EBF1: variants seen among roughly 807,000 people sequenced by gnomAD.
EBF1 encodes transcription factor COE1.
EBF1 carries 10 observed loss-of-function variants against 68.4 expected under a neutral mutation model. The observed-to-expected ratio is 0.15, with a 90% CI of 0.09 to 0.25. EBF1 has a LOEUF of 0.25. Among genes scored for constraint, EBF1 ranks in the 10% least tolerant of loss-of-function variants. The pLI, the probability that EBF1 is intolerant of heterozygous loss-of-function variation, is 1.00. For missense variants in EBF1, 509 were observed against 794.4 expected, an observed-to-expected ratio of 0.64 and a Z score of 4.32; for synonymous variants, 298 against 299.8, an observed-to-expected ratio of 0.99 and a Z score of 0.06.
At chr5:158,962,353 C>T (rs1030263179) in intron 6 of EBF1, among the ~76,000 whole-genome samples, 1 of 152,086 alleles carries the variant, frequency 6.6e-6, no homozygotes, top group Non-Finnish European at 1.5e-5. Context: ...AGTGAAGCTG[C>T]CAAGAGGCTG....
In EBF1 at chr5:158,834,011, C is replaced by T. The variant is rs374273947; in HGVS notation, c.636+6018G>A. Among the ~76,000 whole-genome samples the T allele has an allele frequency of 2.0e-4, 31 of 152,138 alleles. No homozygotes were observed. In the South Asian group the frequency reaches 2.5e-3, roughly 12 times the overall value. ...TATAGTTATAGATCTAATATTTATA[C>T]GTGAATATAGATTTATAGCCAATGG... is the stretch of plus-strand genomic sequence containing the variant. On this transcript the variant is annotated intron_variant, in intron 7 of 15. Transcript: ENST00000313708.
chr5:159,014,619 C>T (rs1001592164), intron 6 of EBF1, among the ~76,000 whole-genome samples: 7 of 152,192 alleles, frequency 4.6e-5, no homozygotes, highest in African/African-American at 1.7e-4. Context: ...TATCTCTTTG[C>T]TCTTTCATAT....
At chr5:158,776,719 CCTA>C (rs966757782) in intron 10 of EBF1, among the ~76,000 whole-genome samples, 6 of 152,134 alleles carry the variant, frequency 3.9e-5, no homozygotes, top group Non-Finnish European at 8.8e-5. Context: ...TCTACCTAGA[CCTA>C]CTGTAGCAGA....
intron 6 of EBF1, among the ~76,000 whole-genome samples, chr5:158,999,966 C>T (rs955918284): frequency 6.6e-6 from 1 of 152,188 alleles, no homozygotes; most frequent in Non-Finnish European, 1.5e-5. Context: ...CTCAAATGTG[C>T]TCCTGCAGAA....
intron 6 of EBF1, among the ~76,000 whole-genome samples, chr5:158,872,201 CT>C (rs70987939): frequency 0.16 from 23,149 of 144,918 alleles, 1,768 homozygotes; most frequent in Non-Finnish European, 0.19. Flanking sequence ...CTTTTCTTTT[CT>C]TTTTTTTTTT....
In EBF1 at chr5:158,849,447, C is replaced by T. The variant is rs140752474; in HGVS notation, c.555-9337G>A. Reference sequence around the variant, plus strand: ...ATCATCCCACTTATCCCTCCAGGTGCGGTATAAATGTACTGAGCTCATGAA... The same window carrying T: ...ATCATCCCACTTATCCCTCCAGGTGTGGTATAAATGTACTGAGCTCATGAA... On this transcript the variant is annotated intron_variant, in intron 6 of 15. Transcript: ENST00000313708. 8.6e-4 allele frequency among the ~76,000 whole-genome samples: 131 copies of T among 152,270 alleles called. No homozygotes were observed. The Middle Eastern group carries it at 0.01, about 12-fold the overall frequency.
intron 6 of EBF1, among the ~76,000 whole-genome samples, chr5:158,891,328 CTG>C (rs999051524): frequency 3.3e-5 from 5 of 152,170 alleles, no homozygotes; most frequent in Non-Finnish European, 7.3e-5. Context: ...TCAGTGGGAA[CTG>C]TGTCCCTGTA....
chr5:158,820,913 G>A (rs1451750916), intron 8 of EBF1, among the ~76,000 whole-genome samples: 2 of 152,160 alleles, frequency 1.3e-5, no homozygotes, highest in African/African-American at 2.4e-5. Flanking sequence ...TTCTTCCTAA[G>A]TGGCTTTTTT....
chr5:158,917,384 T>A (rs574784061), intron 6 of EBF1, among the ~76,000 whole-genome samples: 1 of 152,308 alleles, frequency 6.6e-6, no homozygotes, highest in African/African-American at 2.4e-5. Context: ...TCTTTGTTTT[T>A]CCCTATAACC....
intron 11 of EBF1, among the ~76,000 whole-genome samples, chr5:158,725,849 C>T (rs1762883662): frequency 1.3e-5 from 2 of 152,106 alleles, no homozygotes; most frequent in African/African-American, 2.4e-5. Flanking sequence ...TTTCTTAATC[C>T]GTTCCTTAAT....
intron 8 of EBF1, among the ~76,000 whole-genome samples, chr5:158,797,654 A>C (rs1420225952): frequency 1.3e-5 from 2 of 152,238 alleles, no homozygotes; most frequent in African/African-American, 4.8e-5. Context: ...GAAAATATTA[A>C]GTCCAGCCCG....
intron 6 of EBF1, among the ~76,000 whole-genome samples, chr5:159,041,321 T>C (rs1017382215): frequency 3.3e-5 from 5 of 152,220 alleles, no homozygotes; most frequent in African/African-American, 9.6e-5. Flanking sequence ...AGGGTGCAGA[T>C]TCTCAGAGGA....
chr5:158,821,331 GA>G (rs1784784975), intron 8 of EBF1, among the ~76,000 whole-genome samples: 2 of 152,262 alleles, frequency 1.3e-5, no homozygotes, highest in Non-Finnish European at 2.9e-5. Flanking sequence ...TAACGTTACT[GA>G]TCCTCATTGC....
At chr5:158,776,473 C>A (rs962718762) in intron 10 of EBF1, among the ~76,000 whole-genome samples, 2 of 152,140 alleles carry the variant, frequency 1.3e-5, no homozygotes, top group Non-Finnish European at 2.9e-5. Context: ...TAACTGTTAT[C>A]CCTTCACTGC....
Position 159,034,472 on chromosome 5 carries a change from C to T in EBF1, c.554+38924G>A, listed in dbSNP as rs992806606. 1.3e-3 allele frequency among the ~76,000 whole-genome samples: 205 copies of T among 152,262 alleles called. 1 individual carries two copies. Among genetic ancestry groups the T allele is most frequent in the Non-Finnish European group, 1.4e-3 (98 of 68,026 alleles). On this transcript the variant is annotated intron_variant, in intron 6 of 15. Transcript: ENST00000313708. The stretch of plus-strand genomic sequence containing the variant: ...AGCAATTATGGAAATTGGGCCAGAG[C>T]GCCTCTCAATTCCTCTCTGGCTTGA...
intron 8 of EBF1, among the ~76,000 whole-genome samples, chr5:158,818,923 A>G (rs1237528000): frequency 6.8e-5 from 10 of 146,310 alleles, no homozygotes; most frequent in Non-Finnish European, 1.5e-4. Flanking sequence ...GCACATATTC[A>G]AAACAATAAC....
At chr5:159,001,354 A>G (rs560283404) in intron 6 of EBF1, among the ~76,000 whole-genome samples, 2 of 152,298 alleles carry the variant, frequency 1.3e-5, no homozygotes, top group Non-Finnish European at 1.5e-5. Flanking sequence ...AATCTTCAAC[A>G]ATTTTTAAAA....
At chr5:158,962,445 C>T (rs557975108) in intron 6 of EBF1, among the ~76,000 whole-genome samples, 37 of 152,236 alleles carry the variant, frequency 2.4e-4, no homozygotes, top group Non-Finnish European at 3.5e-4. Flanking sequence ...CTTCCCCAAG[C>T]TCAATATGAT....
At chr5:158,756,558 T>C (rs1770144382) in intron 10 of EBF1, among the ~76,000 whole-genome samples, 1 of 152,082 alleles carries the variant, frequency 6.6e-6, no homozygotes, top group South Asian at 2.1e-4. Context: ...GTTTTTGAAT[T>C]CCTTTTTTAT....
Sources: allele counts gnomAD v4.1 joint callset (sites outside exome capture counted in the v4.1 genomes callset), GRCh38; gene constraint gnomAD v4.1.1; transcripts MANE v1.5; gene names NCBI Gene and HGNC (gene_info 2026-07-23, HGNC 2026-07-21).